The following WDR27 variants were observed in gnomAD, a reference collection of about 807,000 sequenced individuals.
WDR27 encodes the protein WD repeat domain 27, also known as WD repeat-containing protein 27.
Under a neutral mutation model 114.4 loss-of-function variants are expected in WDR27, and 100 were observed. That is an observed-to-expected ratio of 0.87 (90% CI 0.74 to 1.03). WDR27 has a LOEUF of 1.03. Ranked by LOEUF, WDR27 falls within the 50% of genes least tolerant of loss-of-function variation. The probability of loss-of-function intolerance (pLI) is 0.00; values close to 1 mark genes in which losing one functional copy is unlikely to be tolerated. For synonymous variants in WDR27, 449 were observed against 423.1 expected, an observed-to-expected ratio of 1.06 and a Z score of -0.75; for missense variants, 1,129 against 1,092.9, an observed-to-expected ratio of 1.03 and a Z score of -0.47.
At chr6:169,471,243 G>C (rs1255799250) in intron 25 of WDR27, among the ~76,000 whole-genome samples, 1 of 151,928 alleles carries the variant, frequency 6.6e-6, no homozygotes, top group East Asian at 1.9e-4. Context: ...TACAGAGCTA[G>C]AGCCATAGCT....
intron 21 of WDR27, among the ~76,000 whole-genome samples, chr6:169,624,133 G>GTCAGGTGTGCGGTGTCAGGTGTGCGGCA (rs141516973): frequency 6.6e-6 from 1 of 150,768 alleles, no homozygotes; most frequent in African/African-American, 2.5e-5. Flanking sequence ...GGTGTGTGGT[G>GTCAGGTGTGCGGTGTCAGGTGTGCGGCA]TCAGGTGTGC....
intron 1 of WDR27, among the ~76,000 whole-genome samples, chr6:169,694,883 A>G (rs562261703): frequency 6.6e-6 from 1 of 152,334 alleles, no homozygotes; most frequent in South Asian, 2.1e-4. Context: ...AACATTTCTC[A>G]TGAGTCTGGG....
chr6:169,550,036 G>C (rs1023112914), intron 25 of WDR27, among the ~76,000 whole-genome samples: 11 of 152,072 alleles, frequency 7.2e-5, no homozygotes, highest in African/African-American at 2.7e-4. Flanking sequence ...CTTTGGTGAT[G>C]ATGATGTGTC....
chr6:169,678,901 C>T (rs186386163), intron 2 of WDR27, among the ~76,000 whole-genome samples: 2 of 152,306 alleles, frequency 1.3e-5, no homozygotes, highest in Admixed American at 1.3e-4. Flanking sequence ...AGATAATCAA[C>T]TAAGAGCCAG....
chr6:169,565,261 T>C (rs879728460), intron 25 of WDR27, among the ~76,000 whole-genome samples: 3 of 152,222 alleles, frequency 2.0e-5, no homozygotes, highest in Non-Finnish European at 2.9e-5. Context: ...ATGCAAAGCC[T>C]AATTTTTGGG....
chr6:169,426,970 CAGT>C, the WDR27 span: 2 of 14,064 alleles, frequency 1.4e-4, no homozygotes. Flanking sequence ...GTGGTGGGGG[CAGT>C]GGGGGGGGGG....
intron 25 of WDR27, among the ~76,000 whole-genome samples, chr6:169,570,067 C>T (rs975843797): frequency 2.0e-5 from 3 of 152,136 alleles, no homozygotes; most frequent in African/African-American, 7.2e-5. Context: ...CACGGAATGC[C>T]ATTACCTCCT....
intron 22 of WDR27, among the ~76,000 whole-genome samples, chr6:169,607,738 C>T (rs1271006511): frequency 1.3e-5 from 2 of 152,046 alleles, no homozygotes; most frequent in Non-Finnish European, 2.9e-5. Context: ...CAAATCTAAC[C>T]ATGTAACAAA....
chr6:169,553,583 A>C (rs562935123), intron 25 of WDR27, among the ~76,000 whole-genome samples: 51 of 151,310 alleles, frequency 3.4e-4, no homozygotes, highest in African/African-American at 1.2e-3. Context: ...CTTAGTGGCC[A>C]GGGGTCAACC....
chr6:169,677,367 T>G (rs983184983), intron 2 of WDR27, among the ~76,000 whole-genome samples: 1 of 152,174 alleles, frequency 6.6e-6, no homozygotes, highest in Non-Finnish European at 1.5e-5. Context: ...TAAACTTGAG[T>G]GATGGCCTAG....
At chr6:169,634,567 T>G (rs780758485) in intron 19 of WDR27, 42 bp from the exon 20 acceptor site, 11 of 1,372,484 alleles carry the variant, frequency 8.0e-6, no homozygotes, top group Non-Finnish European at 1.1e-5. Context: ...TTGCTTTCCT[T>G]CTGCTACAAC....
intron 16 of WDR27, among the ~76,000 whole-genome samples, chr6:169,644,787 A>C (rs1486559096): frequency 1.5e-5 from 1 of 68,130 alleles, no homozygotes; most frequent in South Asian, 4.1e-4. Flanking sequence ...AGGCGGGCGG[A>C]TCACGAGGTC....
At position 169,644,775 on chromosome 6, in the gene WDR27, C is replaced by T. The variant is rs975381611; in HGVS notation, c.1658-989G>A. On this transcript the variant is annotated intron_variant, in intron 16 of 25. Transcript: ENST00000448612. ...CTGTAATCCCAGCACTTTGGGAGGC[C>T]GAGGCGGGCGGATCACGAGGTCAGG... Among the ~76,000 whole-genome samples the T allele has an allele frequency of 3.4e-5, 4 of 116,398 alleles. 1 individual carries two copies. The highest frequency in any genetic ancestry group is 9.0e-5 in the Admixed American group (1 of 11,098). The allele number at this position is 116,398 out of a possible 152,430, so 76.4% of individuals were successfully genotyped here.
chr6:169,430,140 C>T, the WDR27 span, among the ~76,000 whole-genome samples: 1 of 152,156 alleles, frequency 6.6e-6, no homozygotes, highest in Non-Finnish European at 1.5e-5. Flanking sequence ...CACGTCAAAC[C>T]CACCATATGT....
intron 23 of WDR27, among the ~76,000 whole-genome samples, chr6:169,587,073 T>C (rs1804785864): frequency 1.3e-5 from 2 of 151,806 alleles, no homozygotes; most frequent in African/African-American, 4.8e-5. Flanking sequence ...AGTTGACCTA[T>C]CCCTTCCTGC....
intron 25 of WDR27, among the ~76,000 whole-genome samples, chr6:169,460,984 T>C (rs1361296184): frequency 4.3e-5 from 6 of 140,902 alleles, no homozygotes; most frequent in Non-Finnish European, 9.4e-5. Flanking sequence ...GATACACCAA[T>C]AACAGAAAAA....
chr6:169,450,927 A>C, the WDR27 span, among the ~76,000 whole-genome samples: 3 of 152,208 alleles, frequency 2.0e-5, no homozygotes, highest in African/African-American at 4.8e-5. Context: ...GAACAGTCTC[A>C]TATTAGGTAT....
intron 7 of WDR27, chr6:169,664,806 T>C (rs1461744086): frequency 4.0e-6 from 4 of 995,490 alleles, no homozygotes; most frequent in Non-Finnish European, 4.8e-6. Flanking sequence ...CATCTTCAGG[T>C]TTTTCAACAG....
chr6:169,427,775 T>C, the WDR27 span, among the ~76,000 whole-genome samples: 1 of 149,274 alleles, frequency 6.7e-6, no homozygotes, highest in Non-Finnish European at 1.5e-5. Context: ...TGTCTTATTT[T>C]GCTTCTTTGG....
Sources: allele counts gnomAD v4.1 joint callset (sites outside exome capture counted in the v4.1 genomes callset), GRCh38; gene constraint gnomAD v4.1.1; transcripts MANE v1.5; gene names NCBI Gene and HGNC (gene_info 2026-07-23, HGNC 2026-07-21).